The following ZNF251 variants were observed in gnomAD, a reference collection of about 807,000 sequenced individuals.
The protein encoded by ZNF251 is zinc finger protein 251.
Under a neutral mutation model 13.5 loss-of-function variants are expected in ZNF251, and 14 were observed. The ratio of observed to expected loss-of-function variants is 1.04; its 90% CI spans 0.69 to 1.63. The LOEUF is 1.63. Among genes scored for constraint, ZNF251 ranks in the 40% most tolerant of loss-of-function variants. The pLI is 0.00. For missense variants in ZNF251, 764 were observed against 834.9 expected, an observed-to-expected ratio of 0.92 and a Z score of 1.05; for synonymous variants, 287 against 295.2, an observed-to-expected ratio of 0.97 and a Z score of 0.28.
rs1320984476 is a variant in ZNF251 at position 144,722,901 on chromosome 8, A to G, written c.759T>C (p.Val253=). 2 of 1,613,840 alleles carry G rather than the reference A, an allele frequency of 1.2e-6. No homozygotes were observed. The highest frequency in any genetic ancestry group is 3.3e-5 in the Admixed American group (2 of 59,982). ...GRAFTHSSNL[V]LHHHIHTGNK... The stretch of plus-strand genomic sequence containing the variant: ...TTCCAGTGTGAATGTGATGGTGCAG[A>G]ACAAGATTTGAGCTGTGAGTAAAGG... The change falls in exon 5 of 5, where the codon GTT becomes GTC. Residue 253 remains valine (V), a synonymous_variant. Coordinates refer to ENST00000292562, the MANE Select transcript of ZNF251 (RefSeq NM_138367.2). The surrounding 1 kb of genome is among the most constrained non-coding windows in gnomAD (Gnocchi z 4.8).
intron 4 of ZNF251, among the ~76,000 whole-genome samples, chr8:144,742,953 C>A (rs559543246): frequency 2.0e-5 from 3 of 152,268 alleles, no homozygotes; most frequent in Middle Eastern, 3.4e-3. Context: ...AAGTTCAAAC[C>A]CATGTTGTTC....
chr8:144,754,461 G>C, intron 2 of ZNF251, 140 bp from the exon 3 acceptor site: 1 of 1,444,496 alleles, frequency 6.9e-7, no homozygotes, highest in Non-Finnish European at 9.1e-7. Flanking sequence ...GTCCCTGATG[G>C]GGCAGCTGAG....
rs186785682 is a variant in ZNF251 at position 144,723,483 on chromosome 8, A to G, written c.278-101T>C. On this transcript the variant is annotated intron_variant, in intron 4 of 4. Coordinates refer to ENST00000292562, the MANE Select transcript of ZNF251 (RefSeq NM_138367.2). ...TCCTATAAACCATCATGCAGAAGGC[A>G]GATGCTCCAATAGGAAAAGATGTGA... 1,082 of 807,746 alleles carry G rather than the reference A, an allele frequency of 1.3e-3. 11 individuals are homozygous for G. The highest frequency in any genetic ancestry group is 5.4e-3 in the Middle Eastern group (13 of 2,428). 50.0% of individuals were successfully genotyped at this position (807,746 alleles called of 1,614,324 possible). A position where few individuals can be genotyped will look rare whatever the true frequency, so the allele number is the denominator to read the frequency against.
intron 4 of ZNF251, among the ~76,000 whole-genome samples, chr8:144,749,884 C>CTT (rs58426780): frequency 1.2e-4 from 15 of 128,374 alleles, no homozygotes; most frequent in African/African-American, 3.8e-4. Flanking sequence ...TCTTTTTTTT[C>CTT]TTTTTTTTTT....
chr8:144,723,382 T>C lies in ZNF251; in HGVS notation c.278A>G (p.Asp93Gly), dbSNP rs1428678804. 3 of 1,462,122 alleles carry C rather than the reference T, an allele frequency of 2.1e-6. No homozygotes were observed. In the African/African-American group the frequency reaches 4.2e-5, roughly 21 times the overall value. The allele number at this position is 1,462,122 out of a possible 1,614,324, so 90.6% of individuals were successfully genotyped here. ...EPDILKSCQK[D>G]SEVGTKKELS... is the part of the protein sequence containing the mutation. ...TTCCTTCTTGGTCCCAACCTCAGAA[T>C]CTGTTAAAGAAAAATATAAATGAGT... is the stretch of plus-strand genomic sequence containing the variant. Residue 93 changes from aspartate to glycine, a missense_variant and splice_region_variant, in exon 5 of 5, where the codon GAT becomes GGT. By Grantham distance (94) the Asp-to-Gly change is moderately conservative (BLOSUM62 -1). Coordinates refer to ENST00000292562, the MANE Select transcript of ZNF251 (RefSeq NM_138367.2).
At position 144,734,724 on chromosome 8, in the gene ZNF251, C is replaced by T. The variant is rs976361801; in HGVS notation, c.278-11342G>A. On this transcript the variant is annotated intron_variant, in intron 4 of 4. Coordinates refer to ENST00000292562, the MANE Select transcript of ZNF251 (RefSeq NM_138367.2). This position sits in a 1 kb window ranked among gnomAD's most constrained non-coding sequence, Gnocchi z 4.4. The stretch of plus-strand genomic sequence containing the variant: ...AAAGGTCAAAATCACAGGAGACGGG[C>T]GAATTAGAACTGGAGACCAAAATTC... 6.6e-6 allele frequency among the ~76,000 whole-genome samples: 1 copy of T among 152,128 alleles called. No homozygotes were observed. Among genetic ancestry groups the T allele is most frequent in the Non-Finnish European group, 1.5e-5 (1 of 68,020 alleles).
In ZNF251 at chr8:144,722,712, T is replaced by C; in HGVS notation, c.948A>G (p.Thr316=). The C allele has an allele frequency of 7.4e-6, 12 of 1,613,940 alleles. No individual in the cohort carries two copies. Among genetic ancestry groups the C allele is most frequent in the Non-Finnish European group, 1.0e-5 (12 of 1,179,938 alleles). Residue 316 remains threonine (T), a synonymous_variant, in exon 5 of 5, where the codon ACA becomes ACG. Coordinates refer to ENST00000292562, the MANE Select transcript of ZNF251 (RefSeq NM_138367.2). This position sits in a 1 kb window ranked among gnomAD's most constrained non-coding sequence, Gnocchi z 4.8. ...CATTACACTTGTAGGGTTTCTCTCC[T>C]GTGTGAATGATCCGATGTTGAATAA... ...STLIQHRIIH[T]GEKPYKCNEC...
rs1248609158 is a variant in ZNF251, at chr8:144,721,552, G to A, written c.*92C>T. Reference sequence around the variant, plus strand: ...CTGAACTATTTATTTTACTTTGCCAGTAATATTTAGACCTTATATATCTTT... The same window carrying A: ...CTGAACTATTTATTTTACTTTGCCAATAATATTTAGACCTTATATATCTTT... On this transcript the variant is annotated 3_prime_UTR_variant, in exon 5 of 5. Transcript: ENST00000292562. 6 of 1,198,882 alleles carry A rather than the reference G, an allele frequency of 5.0e-6. No homozygotes were observed. The highest frequency in any genetic ancestry group is 6.4e-6 in the Non-Finnish European group (6 of 943,900). 74.3% of individuals were successfully genotyped at this position (1,198,882 alleles called of 1,614,324 possible).
intron 4 of ZNF251, among the ~76,000 whole-genome samples, chr8:144,729,820 C>T (rs922300495): frequency 6.6e-6 from 1 of 152,148 alleles, no homozygotes. Context: ...GAGACCGCAC[C>T]TCCGCACTCC....
At position 144,754,778 on chromosome 8, in the gene ZNF251, C is replaced by A. The variant is rs1446914992; in HGVS notation, c.-50G>T. On this transcript the variant is annotated 5_prime_UTR_variant, in exon 2 of 5. It adds an upstream start codon to the 5' untranslated region. Coordinates refer to ENST00000292562, the MANE Select transcript of ZNF251 (RefSeq NM_138367.2). ...TTCCAAGAGAAGACAGGAGACTGCC[C>A]TGGCCTGAAGTCTCCCCGAACTTAC... is the stretch of plus-strand genomic sequence containing the variant. The A allele has an allele frequency of 6.2e-7, 1 of 1,600,818 alleles. No homozygotes were observed. The highest frequency in any genetic ancestry group is 8.5e-7 in the Non-Finnish European group (1 of 1,173,844).
chr8:144,735,639 G>A (rs766569874), intron 4 of ZNF251, among the ~76,000 whole-genome samples: 9 of 152,062 alleles, frequency 5.9e-5, no homozygotes, highest in Non-Finnish European at 1.2e-4. Context: ...GGGCGCACTC[G>A]GAGCCTCCGT....
In ZNF251 at chr8:144,735,183, C is replaced by T. The variant is rs181789299; in HGVS notation, c.278-11801G>A. Among the ~76,000 whole-genome samples, 1,108 of 151,856 alleles carry T rather than the reference C, an allele frequency of 7.3e-3. 4 individuals carry two copies. Among genetic ancestry groups the T allele is most frequent in the African/African-American group, 0.025 (1,026 of 41,398 alleles). On this transcript the variant is annotated intron_variant, in intron 4 of 4. Transcript: ENST00000292562. ...GGTAGATCATCTGAAGTCAGGAGTT[C>T]GAGACCATCCTAGCCAACATGGTAA...
chr8:144,752,418 T>A (rs1824740786), intron 4 of ZNF251, among the ~76,000 whole-genome samples: 1 of 152,166 alleles, frequency 6.6e-6, no homozygotes, highest in Non-Finnish European at 1.5e-5. Context: ...TATCTGGAAA[T>A]TAATGCATGT....
At chr8:144,735,340 T>C (rs756147869) in intron 4 of ZNF251, among the ~76,000 whole-genome samples, 67 of 131,720 alleles carry the variant, frequency 5.1e-4, no homozygotes, top group Non-Finnish European at 7.6e-4. Context: ...TGAGCTGAGA[T>C]CACCCCATTG....
At chr8:144,748,326 G>A (rs910251464) in intron 4 of ZNF251, among the ~76,000 whole-genome samples, 15 of 151,862 alleles carry the variant, frequency 9.9e-5, no homozygotes, top group South Asian at 4.2e-4. Flanking sequence ...TGCCCGCCTC[G>A]GCCTCCCAGT....
intron 4 of ZNF251, among the ~76,000 whole-genome samples, chr8:144,752,193 A>C (rs1475342751): frequency 1.3e-5 from 2 of 151,976 alleles, no homozygotes; most frequent in Non-Finnish European, 2.9e-5. Flanking sequence ...CAATACCATC[A>C]ACCACCTTGA....
intron 4 of ZNF251, among the ~76,000 whole-genome samples, chr8:144,731,948 A>ATTTTTTT (rs59877504): frequency 0.022 from 3,080 of 141,984 alleles, 120 homozygotes; most frequent in African/African-American, 0.076. Flanking sequence ...TGACAGCTGC[A>ATTTTTTT]TTTTTTTTTT....
At chr8:144,723,687 A>C (rs1823437034) in intron 4 of ZNF251, among the ~76,000 whole-genome samples, 2 of 152,356 alleles carry the variant, frequency 1.3e-5, no homozygotes, top group African/African-American at 4.8e-5. Context: ...ATATACAGGA[A>C]GGTAAATATA....
chr8:144,755,102 T>A, intron 1 of ZNF251: 1 of 1,245,446 alleles, frequency 8.0e-7, no homozygotes, highest in Non-Finnish European at 1.0e-6. Context: ...CTGGCCAACC[T>A]GGGGCAAAGA....
Sources: gnomAD v4.1 joint callset for allele counts (sites outside exome capture counted in the v4.1 genomes callset) on GRCh38, gnomAD v4.1.1 for gene constraint, Gnocchi (gnomAD v3.1) non-coding constraint, MANE v1.5 for transcripts, NCBI Gene and HGNC (gene_info 2026-07-23, HGNC 2026-07-21) for gene names.